The following KIRREL3 variants were observed in gnomAD, a reference collection of about 807,000 sequenced individuals.
The protein encoded by KIRREL3 is kin of IRRE-like protein 3.
A neutral mutation model predicts 89.7 loss-of-function variants in KIRREL3; 36 were observed. The observed-to-expected ratio is 0.40, with a 90% CI of 0.31 to 0.53. KIRREL3 has a LOEUF of 0.53. Ranked by LOEUF, KIRREL3 falls within the 20% of genes least tolerant of loss-of-function variation. KIRREL3 has a pLI of 0.49. For synonymous variants in KIRREL3, 445 were observed against 441.4 expected, an observed-to-expected ratio of 1.01 and a Z score of -0.10; for missense variants, 864 against 1,056.6, an observed-to-expected ratio of 0.82 and a Z score of 2.53.
intron 1 of KIRREL3, among the ~76,000 whole-genome samples, chr11:126,979,453 A>G (rs578093467): frequency 1.3e-5 from 2 of 152,208 alleles, no homozygotes; most frequent in Non-Finnish European, 2.9e-5. Context: ...TGCATCCAGG[A>G]TTGATTTGCG....
In KIRREL3 at chr11:126,443,604, C is replaced by A. The variant is rs574072835; in HGVS notation, c.1252+1375G>T. The stretch of plus-strand genomic sequence containing the variant: ...GGGTGGGGGGAGAGGAATGGAAATG[C>A]GGGGCAGTGTGGGGGGAGCTGGTGA... On this transcript the variant is annotated intron_variant, in intron 10 of 16. Coordinates refer to ENST00000525144, the MANE Select transcript of KIRREL3 (RefSeq NM_032531.4). This position sits in a 1 kb window ranked among gnomAD's most constrained non-coding sequence, Gnocchi z 7.3. Among the ~76,000 whole-genome samples, 1 of 148,292 alleles carries A rather than the reference C, an allele frequency of 6.7e-6. No individual in the cohort carries two copies. The highest frequency in any genetic ancestry group is 6.7e-5 in the Admixed American group (1 of 14,890).
intron 5 of KIRREL3, among the ~76,000 whole-genome samples, chr11:126,466,552 C>T (rs901032450): frequency 6.6e-6 from 1 of 152,222 alleles, no homozygotes; most frequent in Non-Finnish European, 1.5e-5. Context: ...GATCTGCACC[C>T]CCGGGTTTCT....
rs147829330 is a variant in KIRREL3, at chr11:126,588,631, T to A, written c.56-25719A>T. ...TCACTCCACTGCTCTATTTTCCCCA[T>A]AGCATTGAACATGCTGTAACATTCT... is the stretch of plus-strand genomic sequence containing the variant. On this transcript the variant is annotated intron_variant, in intron 1 of 16. Coordinates refer to ENST00000525144, the MANE Select transcript of KIRREL3 (RefSeq NM_032531.4). Among the ~76,000 whole-genome samples the A allele has an allele frequency of 2.4e-3, 373 of 152,320 alleles. 1 individual carries two copies. Among genetic ancestry groups the A allele is most frequent in the Non-Finnish European group, 4.2e-3 (283 of 68,026 alleles).
Position 126,647,686 on chromosome 11 carries a change from G to A in KIRREL3, c.56-84774C>T, listed in dbSNP as rs1011109607. Reference sequence around the variant, plus strand: ...TCCAAGTCACTTGGACCCTGTGCCTGGATGGCGGCCAGAGCCTCCTAATTG... The same window carrying A: ...TCCAAGTCACTTGGACCCTGTGCCTAGATGGCGGCCAGAGCCTCCTAATTG... On this transcript the variant is annotated intron_variant, in intron 1 of 16. Transcript: ENST00000525144. This position sits in a 1 kb window ranked among gnomAD's most constrained non-coding sequence, Gnocchi z 4.9. Among the ~76,000 whole-genome samples the A allele has an allele frequency of 1.3e-5, 2 of 152,204 alleles. No homozygotes were observed. Among genetic ancestry groups the A allele is most frequent in the East Asian group, 1.9e-4 (1 of 5,188 alleles).
chr11:126,494,010 T>A (rs11220522), intron 4 of KIRREL3, among the ~76,000 whole-genome samples: 4 of 152,164 alleles, frequency 2.6e-5, no homozygotes, highest in African/African-American at 9.7e-5. Context: ...ACCCCAGTAA[T>A]GGAAATAAAT....
rs1188137865 is a variant in KIRREL3, at chr11:126,996,530, A to G, written c.55+3925T>C. On this transcript the variant is annotated intron_variant, in intron 1 of 16. Coordinates refer to ENST00000525144, the MANE Select transcript of KIRREL3 (RefSeq NM_032531.4). This position sits in a 1 kb window ranked among gnomAD's most constrained non-coding sequence, Gnocchi z 4.7. ...CTCTTGAAGTGGCTCCTCCTTTTCC[A>G]TGCTTCTTGTCATCTCCATGGCTCC... Among the ~76,000 whole-genome samples the G allele has an allele frequency of 9.9e-5, 15 of 151,642 alleles. No homozygotes were observed. The highest frequency in any genetic ancestry group is 9.8e-4 in the Admixed American group (15 of 15,244).
intron 1 of KIRREL3, among the ~76,000 whole-genome samples, chr11:126,959,017 T>C (rs780316454): frequency 1.3e-5 from 2 of 152,060 alleles, no homozygotes; most frequent in Non-Finnish European, 2.9e-5. Flanking sequence ...AGTTGAAGGC[T>C]TGAATAAAAA....
In KIRREL3 at chr11:126,557,250, G is replaced by A. The variant is rs542101697; in HGVS notation, c.133+5585C>T. On this transcript the variant is annotated intron_variant, in intron 2 of 16. Coordinates refer to ENST00000525144, the MANE Select transcript of KIRREL3 (RefSeq NM_032531.4). This position sits in a 1 kb window ranked among gnomAD's most constrained non-coding sequence, Gnocchi z 5.6. ...CTGCCACCCAGCATATAGCTGATAT[G>A]GCCTGAGTTCACCCTTAATGACAGA... Among the ~76,000 whole-genome samples, 1 of 152,308 alleles carries A rather than the reference G, an allele frequency of 6.6e-6. No individual in the cohort carries two copies. Among genetic ancestry groups the A allele is most frequent in the Admixed American group, 6.5e-5 (1 of 15,302 alleles).
rs1793672 is a variant in KIRREL3 at position 126,948,794 on chromosome 11, T to C, written c.55+51661A>G. ...CTCCAGCAAGGCAGACAGCTGGATATGGGGAGGAGTTCAGAAGCCAGGGAA... is the reference window on the plus strand; with the variant it reads ...CTCCAGCAAGGCAGACAGCTGGATACGGGGAGGAGTTCAGAAGCCAGGGAA... On this transcript the variant is annotated intron_variant, in intron 1 of 16. Coordinates refer to ENST00000525144, the MANE Select transcript of KIRREL3 (RefSeq NM_032531.4). This position sits in a 1 kb window ranked among gnomAD's most constrained non-coding sequence, Gnocchi z 4.5. Among the ~76,000 whole-genome samples, 135,089 of 152,174 alleles carry C rather than the reference T, an allele frequency of 0.89. 60,087 individuals carry two copies. Among genetic ancestry groups the C allele is most frequent in the Middle Eastern group, 0.96 (282 of 294 alleles).
Position 126,986,111 on chromosome 11 carries a change from C to T in KIRREL3, c.55+14344G>A, listed in dbSNP as rs553395704. ...GATGCACACAGGGTGTACACGGCATCCACTGTGGGATGAGGGGGCCTTTAA... is the reference window on the plus strand; with the variant it reads ...GATGCACACAGGGTGTACACGGCATTCACTGTGGGATGAGGGGGCCTTTAA... On this transcript the variant is annotated intron_variant, in intron 1 of 16. Transcript: ENST00000525144. 5.9e-5 allele frequency among the ~76,000 whole-genome samples: 9 copies of T among 152,270 alleles called. No homozygotes were observed. In the East Asian group the frequency reaches 1.5e-3, roughly 26 times the overall value.
At chr11:126,868,551 T>C (rs1359524997) in intron 1 of KIRREL3, among the ~76,000 whole-genome samples, 1 of 152,194 alleles carries the variant, frequency 6.6e-6, no homozygotes, top group Middle Eastern at 3.2e-3. Context: ...TCCTGATGAC[T>C]ACTAAGCTCT....
intron 1 of KIRREL3, among the ~76,000 whole-genome samples, chr11:126,674,322 T>A (rs1365650433): frequency 6.6e-6 from 1 of 152,222 alleles, no homozygotes; most frequent in Non-Finnish European, 1.5e-5. Context: ...TTTTCATAGC[T>A]TTTGCAAGCA....
At chr11:126,556,667 G>C (rs1405479305) in intron 2 of KIRREL3, among the ~76,000 whole-genome samples, 3 of 152,148 alleles carry the variant, frequency 2.0e-5, no homozygotes, top group African/African-American at 7.2e-5. Flanking sequence ...AGGGTCTGCA[G>C]CTTAGGGGTC....
rs757657777 is a variant in KIRREL3, at chr11:126,624,336, A to AAAAAC, written c.56-61429_56-61425dup. ...TCTTCTCCTCTGATTTCCACTAGGA[A>AAAAAC]AAAACAAAACAAAACAAAACAAAAC... On this transcript the variant is annotated intron_variant, in intron 1 of 16. Transcript: ENST00000525144. The surrounding 1 kb of genome is among the most constrained non-coding windows in gnomAD (Gnocchi z 6.0). 1.1e-4 allele frequency among the ~76,000 whole-genome samples: 16 copies of AAAAAC among 152,126 alleles called. No individual in the cohort carries two copies. The highest frequency in any genetic ancestry group is 1.6e-4 in the Non-Finnish European group (11 of 68,038).
chr11:126,923,194 T>A (rs1168473368), intron 1 of KIRREL3, among the ~76,000 whole-genome samples: 2 of 9,920 alleles, frequency 2.0e-4, no homozygotes, highest in South Asian at 5.3e-3. Flanking sequence ...CTTCTCTTCT[T>A]CTTCTTCTTC....
At chr11:126,663,626 T>C (rs1945523348) in intron 1 of KIRREL3, among the ~76,000 whole-genome samples, 1 of 152,142 alleles carries the variant, frequency 6.6e-6, no homozygotes, top group Non-Finnish European at 1.5e-5. Flanking sequence ...GAAAATGTAC[T>C]AATAGCTGGG....
rs949767038 is a variant in KIRREL3 at position 126,574,041 on chromosome 11, C to T, written c.56-11129G>A. ...AAGCTCCATGGAAGCCCCTTACAGG[C>T]CCCAGACAAGGGGCTTCATTCTGAG... On this transcript the variant is annotated intron_variant, in intron 1 of 16. Transcript: ENST00000525144. This position sits in a 1 kb window ranked among gnomAD's most constrained non-coding sequence, Gnocchi z 5.3. Among the ~76,000 whole-genome samples, 2 of 152,194 alleles carry T rather than the reference C, an allele frequency of 1.3e-5. No individual in the cohort carries two copies. The highest frequency in any genetic ancestry group is 2.9e-5 in the Non-Finnish European group (2 of 68,030).
intron 1 of KIRREL3, among the ~76,000 whole-genome samples, chr11:126,803,837 T>C (rs147696216): frequency 1.5e-3 from 225 of 152,330 alleles, no homozygotes; most frequent in Non-Finnish European, 2.2e-3. Flanking sequence ...AAGAGCTCCA[T>C]AGGGACCTGG....
intron 1 of KIRREL3, among the ~76,000 whole-genome samples, chr11:126,827,751 A>T (rs4937192): frequency 2.0e-5 from 3 of 152,090 alleles, no homozygotes; most frequent in South Asian, 2.1e-4. Flanking sequence ...CTTGCACCTG[A>T]GTAAGTGAAA....
Sources: allele counts gnomAD v4.1 joint callset (sites outside exome capture counted in the v4.1 genomes callset), GRCh38; gene constraint gnomAD v4.1.1; non-coding constraint Gnocchi (gnomAD v3.1); transcripts MANE v1.5; gene names NCBI Gene and HGNC (gene_info 2026-07-23, HGNC 2026-07-21).